FRMD3: variants seen among roughly 807,000 people sequenced by gnomAD.
The protein encoded by FRMD3 is FERM domain-containing protein 3.
Under a neutral mutation model 70.2 loss-of-function variants are expected in FRMD3, and 33 were observed. The ratio of observed to expected loss-of-function variants is 0.47; its 90% CI spans 0.36 to 0.63. The LOEUF (loss-of-function observed/expected upper bound fraction) is 0.63. Ranked by LOEUF, FRMD3 falls within the 20% of genes least tolerant of loss-of-function variation. FRMD3 has a pLI of 0.00. For missense variants in FRMD3, 632 were observed against 711.4 expected, an observed-to-expected ratio of 0.89 and a Z score of 1.27; for synonymous variants, 279 against 255.9, an observed-to-expected ratio of 1.09 and a Z score of -0.86.
chr9:83,244,267 G>T (rs954168455), downstream of FRMD3, among the ~76,000 whole-genome samples: 1 of 152,122 alleles, frequency 6.6e-6, no homozygotes, highest in Non-Finnish European at 1.5e-5. Context: ...TCTGGCCAGT[G>T]ATGATAACAT....
chr9:83,272,168 G>A (rs1368281714), intron 13 of FRMD3, among the ~76,000 whole-genome samples: 2 of 151,428 alleles, frequency 1.3e-5, no homozygotes, highest in Admixed American at 1.3e-4. Flanking sequence ...AAGCTGGACT[G>A]TACTGCCGCC....
intron 13 of FRMD3, among the ~76,000 whole-genome samples, chr9:83,268,433 T>C (rs56128787): frequency 0.18 from 26,752 of 152,196 alleles, 2,564 homozygotes; most frequent in African/African-American, 0.25. Flanking sequence ...CTGACAAAAA[T>C]CTTAAGACAA....
chr9:83,290,753 A>T (rs201847270), intron 12 of FRMD3, 26 bp from the exon 13 acceptor site: 3 of 1,572,800 alleles, frequency 1.9e-6, no homozygotes, highest in Non-Finnish European at 2.6e-6. Flanking sequence ...AGCCAGACAG[A>T]GTTGGTTTCC....
In FRMD3 at chr9:83,245,740, A is replaced by T. The variant is rs1212086978; in HGVS notation, c.*2178T>A. ...AACTTTAGAGAAAATTATATGACGCATGATCAGAAGGGGACTAATTTTGTG... is the reference window on the plus strand; with the variant it reads ...AACTTTAGAGAAAATTATATGACGCTTGATCAGAAGGGGACTAATTTTGTG... On this transcript the variant is annotated 3_prime_UTR_variant, in exon 14 of 14. Coordinates refer to ENST00000304195, the MANE Select transcript of FRMD3 (RefSeq NM_174938.6). 1.0e-6 allele frequency: 1 copy of T among 984,530 alleles called. No homozygotes were observed. Among genetic ancestry groups the T allele is most frequent in the Non-Finnish European group, 1.2e-6 (1 of 829,262 alleles). 61.0% of individuals were successfully genotyped at this position (984,530 alleles called of 1,614,324 possible). A position where few individuals can be genotyped will look rare whatever the true frequency, so the allele number is the denominator to read the frequency against.
chr9:83,337,139 C>T lies in FRMD3; in HGVS notation c.473-1500G>A, dbSNP rs116235385. 6.0e-3 allele frequency among the ~76,000 whole-genome samples: 906 copies of T among 152,236 alleles called. 7 individuals carry two copies. Among genetic ancestry groups the T allele is most frequent in the African/African-American group, 0.021 (866 of 41,518 alleles). On this transcript the variant is annotated intron_variant, in intron 5 of 13. Transcript: ENST00000304195. ...TGTGCCTTCCTTTTGTGACTATTCA[C>T]AGCCCCTATAATAACCTGTTGAATA...
At chr9:83,558,003 G>T in the FRMD3 span, among the ~76,000 whole-genome samples, 5 of 152,154 alleles carry the variant, frequency 3.3e-5, no homozygotes, top group African/African-American at 1.2e-4. Flanking sequence ...GGGTCCATCT[G>T]GTTTCAGTTT....
intron 1 of FRMD3, among the ~76,000 whole-genome samples, chr9:83,456,883 G>C (rs764400841): frequency 6.6e-6 from 1 of 152,140 alleles, no homozygotes; most frequent in Non-Finnish European, 1.5e-5. Context: ...GAGAGGCTGA[G>C]GTGGGAGGAT....
At chr9:83,351,991 C>T (rs182660601) in intron 3 of FRMD3, among the ~76,000 whole-genome samples, 5 of 152,292 alleles carry the variant, frequency 3.3e-5, no homozygotes, top group African/African-American at 1.2e-4. Flanking sequence ...TCACTTAACG[C>T]TATATCCTGC....
At chr9:83,243,099 G>C (rs1831938000), downstream of FRMD3, 11 of 1,167,004 alleles carry the variant, frequency 9.4e-6, no homozygotes, top group South Asian at 1.4e-4. Flanking sequence ...GAGCCCACTG[G>C]GTGGGGCCCA....
the FRMD3 span, among the ~76,000 whole-genome samples, chr9:83,548,919 T>C: frequency 6.6e-6 from 1 of 152,172 alleles, no homozygotes; most frequent in Non-Finnish European, 1.5e-5. Context: ...CTGAGTACAG[T>C]AGTATTTACA....
intron 1 of FRMD3, among the ~76,000 whole-genome samples, chr9:83,507,728 A>C (rs892848775): frequency 0.019 from 2,054 of 110,758 alleles, 202 homozygotes; most frequent in Admixed American, 0.042. Context: ...ATATATATAT[A>C]TATATATATA....
chr9:83,265,593 A>G (rs1054385047), intron 13 of FRMD3, among the ~76,000 whole-genome samples: 21 of 152,232 alleles, frequency 1.4e-4, no homozygotes, highest in African/African-American at 4.8e-4. Context: ...GTAAACAAAT[A>G]GGCAGTTCTG....
rs143180436 is a variant in FRMD3 at position 83,247,204 on chromosome 9, A to G, written c.*714T>C. 2,086 of 985,358 alleles carry G rather than the reference A, an allele frequency of 2.1e-3. 29 individuals carry two copies. The African/African-American group carries it at 0.034, about 16-fold the overall frequency. The allele number at this position is 985,358 out of a possible 1,614,324, so 61.0% of individuals were successfully genotyped here. On this transcript the variant is annotated 3_prime_UTR_variant, in exon 14 of 14. Transcript: ENST00000304195. ...GTTCCATCCTCTGTTTTAGCAGCTT[A>G]CTTACTATAGTGTCTTTCTACCCAT...
At position 83,335,587 on chromosome 9, in the gene FRMD3, C is replaced by T. The variant is rs767666888; in HGVS notation, c.525G>A (p.Glu175=). 9 of 1,613,148 alleles carry T rather than the reference C, an allele frequency of 5.6e-6. No homozygotes were observed. In the African/African-American group the frequency reaches 6.7e-5, roughly 12 times the overall value. ...GTGACTGCTTGGGGAAAATCTCAAA[C>T]TCACTGATGTAATTCTCAGGATGCT... ...PDEHPENYIS[E]FEIFPKQSQK... The change falls in exon 6 of 14, where the codon GAG becomes GAA. Residue 175 remains glutamate (E), a synonymous_variant. Coordinates refer to ENST00000304195, the MANE Select transcript of FRMD3 (RefSeq NM_174938.6).
At chr9:83,407,923 C>CTCTCTCTCTCTCTCTCTCTCTCTCAT (rs1826171342) in intron 1 of FRMD3, among the ~76,000 whole-genome samples, 1 of 144,218 alleles carries the variant, frequency 6.9e-6, no homozygotes, top group Admixed American at 7.0e-5. Flanking sequence ...CTCTCCCTCC[C>CTCTCTCTCTCTCTCTCTCTCTCTCAT]CTTTCTCTTT....
At chr9:83,266,121 G>A (rs946026685) in intron 13 of FRMD3, among the ~76,000 whole-genome samples, 2 of 151,358 alleles carry the variant, frequency 1.3e-5, no homozygotes, top group South Asian at 4.2e-4. Flanking sequence ...AATATATCTT[G>A]AACAATCCCA....
chr9:83,526,287 C>A (rs570803285), intron 1 of FRMD3, among the ~76,000 whole-genome samples: 1 of 152,282 alleles, frequency 6.6e-6, no homozygotes, highest in East Asian at 1.9e-4. Context: ...AGGAGCTCTG[C>A]ATTTTCATTT....
chr9:83,304,600 AG>A (rs1835053036), intron 10 of FRMD3, among the ~76,000 whole-genome samples: 1 of 152,254 alleles, frequency 6.6e-6, no homozygotes, highest in African/African-American at 2.4e-5. Flanking sequence ...GAAATGTATT[AG>A]GAACTGCTTT....
At chr9:83,580,492 T>A in the FRMD3 span, among the ~76,000 whole-genome samples, 64 of 152,168 alleles carry the variant, frequency 4.2e-4, no homozygotes, top group African/African-American at 1.4e-3. Flanking sequence ...GACAGTATAC[T>A]AAGTGAAATA....
Sources: allele counts gnomAD v4.1 joint callset (sites outside exome capture counted in the v4.1 genomes callset), GRCh38; gene constraint gnomAD v4.1.1; transcripts MANE v1.5; gene names NCBI Gene and HGNC (gene_info 2026-07-23, HGNC 2026-07-21).